The following ANXA4 variants were observed in gnomAD, a reference collection of about 807,000 sequenced individuals.
ANXA4 encodes the protein 35-beta calcimedin.
A neutral mutation model predicts 49.8 loss-of-function variants in ANXA4; 39 were observed. The observed-to-expected ratio is 0.78, with a 90% CI of 0.61 to 1.02. The LOEUF is 1.02. Among genes scored for constraint, ANXA4 ranks in the 50% least tolerant of loss-of-function variants. ANXA4 has a pLI of 0.00. For synonymous variants in ANXA4, 134 were observed against 152.5 expected, an observed-to-expected ratio of 0.88 and a Z score of 0.89; for missense variants, 360 against 410.1, an observed-to-expected ratio of 0.88 and a Z score of 1.05.
chr2:69,710,091 G>A (rs573116762), intron 2 of ANXA4, among the ~76,000 whole-genome samples: 2 of 149,070 alleles, frequency 1.3e-5, no homozygotes, highest in Admixed American at 6.8e-5. Context: ...AGGTTCAAGC[G>A]ATTCTCCTGC....
chr2:69,798,060 G>A (rs1186395229), intron 3 of ANXA4, among the ~76,000 whole-genome samples: 1 of 152,204 alleles, frequency 6.6e-6, no homozygotes, highest in Non-Finnish European at 1.5e-5. Flanking sequence ...GCCTCATAGA[G>A]GGGCTATCCG....
chr2:69,826,213 A>G lies in ANXA4; in HGVS notation c.*698A>G, dbSNP rs535023227. Reference sequence around the variant, plus strand: ...ACCAAACATAAATGCTGAACATTCCATATTATTATAGTTAATGTCTTAATC... The same window carrying G: ...ACCAAACATAAATGCTGAACATTCCGTATTATTATAGTTAATGTCTTAATC... On this transcript the variant is annotated 3_prime_UTR_variant, in exon 13 of 13. Transcript: ENST00000394295. 6.6e-6 allele frequency: 1 copy of G among 152,670 alleles called. No individual in the cohort carries two copies. The highest frequency in any genetic ancestry group is 6.5e-5 in the Admixed American group (1 of 15,290). 9.5% of individuals were successfully genotyped at this position (152,670 alleles called of 1,614,324 possible).
chr2:69,765,575 C>T (rs756752305), intron 1 of ANXA4, among the ~76,000 whole-genome samples: 4 of 152,148 alleles, frequency 2.6e-5, no homozygotes, highest in Non-Finnish European at 5.9e-5. Context: ...ACCAGTGCCC[C>T]CAATCACTGG....
At chr2:69,753,026 C>T (rs1670910937) in intron 1 of ANXA4, among the ~76,000 whole-genome samples, 1 of 152,154 alleles carries the variant, frequency 6.6e-6, no homozygotes, top group South Asian at 2.1e-4. Context: ...CGTGAGAGCT[C>T]TTTTAATTTC....
At chr2:69,729,578 G>T (rs1262248541) in intron 3 of ANXA4, among the ~76,000 whole-genome samples, 2 of 152,152 alleles carry the variant, frequency 1.3e-5, no homozygotes, top group African/African-American at 2.4e-5. Context: ...ATCCTCCAAT[G>T]CCAGGACAGC....
At chr2:69,754,101 A>G (rs1449213869) in intron 1 of ANXA4, among the ~76,000 whole-genome samples, 1 of 152,216 alleles carries the variant, frequency 6.6e-6, no homozygotes, top group Non-Finnish European at 1.5e-5. Context: ...ACCAGGAGTA[A>G]TGCATGTTTG....
intron 6 of ANXA4, chr2:69,809,488 T>A (rs551102413): frequency 6.6e-6 from 1 of 152,066 alleles, no homozygotes; most frequent in Admixed American, 6.5e-5. Flanking sequence ...CCCTGCCTAT[T>A]TTTTTTGACA....
At chr2:69,653,322 A>G (rs2105307460) in intron 2 of ANXA4, 1 of 152,346 alleles carries the variant, frequency 6.6e-6, no homozygotes, top group South Asian at 2.1e-4. Context: ...AGTATGCGTA[A>G]ATGATATATG....
intron 3 of ANXA4, among the ~76,000 whole-genome samples, chr2:69,795,184 G>A (rs982684870): frequency 1.3e-5 from 2 of 152,186 alleles, no homozygotes; most frequent in Admixed American, 6.5e-5. Context: ...ACCTGAGGAC[G>A]GGAAAACTTA....
intron 10 of ANXA4, 50 bp from the exon 11 acceptor site, chr2:69,819,230 A>T (rs544209537): frequency 5.2e-6 from 7 of 1,345,624 alleles, no homozygotes; most frequent in Middle Eastern, 1.8e-4. Context: ...TTCTTTTTTC[A>T]TGGGTCTTAT....
chr2:69,660,089 A>T (rs1023906119), intron 2 of ANXA4, among the ~76,000 whole-genome samples: 1 of 152,200 alleles, frequency 6.6e-6, no homozygotes, highest in Admixed American at 6.5e-5. Context: ...ATCTGTGTGT[A>T]TGCATGTATG....
chr2:69,784,181 G>A (rs537483278), intron 2 of ANXA4, among the ~76,000 whole-genome samples: 1 of 152,132 alleles, frequency 6.6e-6, no homozygotes, highest in East Asian at 1.9e-4. Context: ...ATGGATAATG[G>A]CCTATTATAC....
intron 2 of ANXA4, among the ~76,000 whole-genome samples, chr2:69,708,293 G>A (rs190780367): frequency 1.1e-4 from 16 of 152,062 alleles, no homozygotes; most frequent in South Asian, 8.3e-4. Context: ...AAACGTGATC[G>A]CAATGAGCTC....
At position 69,818,597 on chromosome 2, in the gene ANXA4, A is replaced by C; in HGVS notation, c.629-2A>C. 1 of 1,574,794 alleles carries C rather than the reference A, an allele frequency of 6.4e-7. No homozygotes were observed. The highest frequency in any genetic ancestry group is 2.3e-5 in the East Asian group (1 of 43,980). On this transcript the variant is annotated splice_acceptor_variant, in intron 9 of 12. Transcript: ENST00000394295. LOFTEE classifies it high-confidence loss of function. ...ATAATACTATTTTGTTATTGTCTGC[A>C]GTGTTTGATGAATACAAAAGGATAT...
chr2:69,768,791 G>A (rs1182321070), intron 1 of ANXA4, among the ~76,000 whole-genome samples: 1 of 152,164 alleles, frequency 6.6e-6, no homozygotes, highest in East Asian at 1.9e-4. Context: ...TTAAAAGGCA[G>A]AAGGTCAGGT....
At chr2:69,714,567 C>T (rs1267694173) in intron 2 of ANXA4, among the ~76,000 whole-genome samples, 2 of 152,190 alleles carry the variant, frequency 1.3e-5, no homozygotes, top group Non-Finnish European at 2.9e-5. Flanking sequence ...GCTTTATTTC[C>T]TGGGATCCTG....
intron 8 of ANXA4, chr2:69,815,126 C>G (rs1157278890): frequency 6.6e-6 from 1 of 152,190 alleles, no homozygotes; most frequent in African/African-American, 2.4e-5. Context: ...ATTGGATCAT[C>G]CAAAAACCCT....
chr2:69,649,603 C>CTTTTTTTTTTTTTTTT (rs766975640), intron 1 of ANXA4, among the ~76,000 whole-genome samples: 1 of 70,670 alleles, frequency 1.4e-5, no homozygotes, highest in African/African-American at 6.3e-5. Flanking sequence ...GATTTTCTTT[C>CTTTTTTTTTTTTTTTT]TTTTTTTTTT....
At chr2:69,756,268 G>C (rs1224187954) in intron 1 of ANXA4, among the ~76,000 whole-genome samples, 1 of 152,160 alleles carries the variant, frequency 6.6e-6, no homozygotes, top group Non-Finnish European at 1.5e-5. Flanking sequence ...AAATAGCCCT[G>C]CCTTGGGGCG....
Sources: allele counts gnomAD v4.1 joint callset (sites outside exome capture counted in the v4.1 genomes callset), GRCh38; gene constraint gnomAD v4.1.1; transcripts MANE v1.5; gene names NCBI Gene and HGNC (gene_info 2026-07-23, HGNC 2026-07-21).